The following LRRC52 variants were observed in gnomAD, a reference collection of about 807,000 sequenced individuals.
LRRC52 encodes leucine-rich repeat-containing protein 52.
A neutral mutation model predicts 14.7 loss-of-function variants in LRRC52; 15 were observed. The ratio of observed to expected loss-of-function variants is 1.02; its 90% CI spans 0.68 to 1.58. The LOEUF (loss-of-function observed/expected upper bound fraction) is 1.58. Ranked by LOEUF, LRRC52 falls within the 40% of genes most tolerant of loss-of-function variation. The pLI, the probability that LRRC52 is intolerant of heterozygous loss-of-function variation, is 0.00. For synonymous variants in LRRC52, 180 were observed against 163.9 expected (o/e 1.10, Z -0.75); for missense variants, 400 against 387.7 (o/e 1.03, Z -0.27).
intron 1 of LRRC52, among the ~76,000 whole-genome samples, chr1:165,558,094 C>T (rs1245722022): frequency 6.6e-6 from 1 of 152,230 alleles, no homozygotes; most frequent in Non-Finnish European, 1.5e-5. Flanking sequence ...GGCTCCTACA[C>T]TAATAGGTGT....
At chr1:165,559,677 T>C (rs1661304075) in intron 1 of LRRC52, among the ~76,000 whole-genome samples, 1 of 152,108 alleles carries the variant, frequency 6.6e-6, no homozygotes, top group African/African-American at 2.4e-5. Context: ...CAAAATGACA[T>C]ATAGCAAAGC....
At chr1:165,547,332 C>T (rs1395374743) in intron 1 of LRRC52, among the ~76,000 whole-genome samples, 1 of 152,196 alleles carries the variant, frequency 6.6e-6, no homozygotes, top group African/African-American at 2.4e-5. Context: ...CATATGGCTA[C>T]AGCATCTAAA....
intron 1 of LRRC52, among the ~76,000 whole-genome samples, chr1:165,557,456 C>A (rs1661258559): frequency 6.6e-6 from 1 of 152,184 alleles, no homozygotes; most frequent in Non-Finnish European, 1.5e-5. Context: ...GGACAGTGAG[C>A]CCAAGGGGTT....
chr1:165,550,093 C>A (rs1195048408), intron 1 of LRRC52, among the ~76,000 whole-genome samples: 1 of 152,218 alleles, frequency 6.6e-6, no homozygotes, highest in African/African-American at 2.4e-5. Context: ...CCCAGGTTAG[C>A]AAGTGGGAGG....
At chr1:165,555,676 A>T (rs1014543763) in intron 1 of LRRC52, among the ~76,000 whole-genome samples, 6 of 152,352 alleles carry the variant, frequency 3.9e-5, no homozygotes, top group African/African-American at 1.4e-4. Context: ...GGTCCAGGTA[A>T]TTAGAAGAGG....
At chr1:165,548,492 C>T (rs285439) in intron 1 of LRRC52, among the ~76,000 whole-genome samples, 18,498 of 152,160 alleles carry the variant, frequency 0.12, 1,253 homozygotes, top group Admixed American at 0.18. Context: ...GCAGGACAAA[C>T]GAGGCCAGCA....
chr1:165,544,208 TCCCCCG>T lies in LRRC52; in HGVS notation c.-84_-79del. ...GTGTTACAGTTCTTTCCAGAGCCCC[TCCCCCG>T]CCCCACCCCCCCACCGGCAGCCTTC... On this transcript the variant is annotated 5_prime_UTR_variant, in exon 1 of 2. Transcript: ENST00000294818. 6.7e-6 allele frequency: 3 copies of T among 448,100 alleles called. 1 individual carries two copies. The highest frequency in any genetic ancestry group is 4.7e-5 in the African/African-American group (2 of 42,612). The allele number at this position is 448,100 out of a possible 1,614,324, so 27.8% of individuals were successfully genotyped here.
chr1:165,548,872 C>G (rs1661075865), intron 1 of LRRC52, among the ~76,000 whole-genome samples: 1 of 152,086 alleles, frequency 6.6e-6, no homozygotes, highest in Non-Finnish European at 1.5e-5. Context: ...GAGTAGAATA[C>G]CAGAAAGCAG....
chr1:165,563,890 C>T lies in LRRC52; in HGVS notation c.*66C>T. The T allele has an allele frequency of 6.7e-7, 1 of 1,485,182 alleles. No homozygotes were observed. The highest frequency in any genetic ancestry group is 1.8e-4 in the Middle Eastern group (1 of 5,604). 92.0% of individuals were successfully genotyped at this position (1,485,182 alleles called of 1,614,324 possible). On this transcript the variant is annotated 3_prime_UTR_variant, in exon 2 of 2. Transcript: ENST00000294818. ...CTGCTTTCTCTCTTGCCCTCCCCAT[C>T]CCACCACCTTGGAGCTGTCATAGAG... is the stretch of plus-strand genomic sequence containing the variant.
At position 165,544,305 on chromosome 1, in the gene LRRC52, T is replaced by C. The variant is rs970815137; in HGVS notation, c.9T>C (p.Leu3=). Reference sequence around the variant, plus strand: ...GGTTGTGGCTTCTTACTATGTCCCTTGCTTCAGGCCCTGGCCCTGGGTGGT... The same window carrying C: ...GGTTGTGGCTTCTTACTATGTCCCTCGCTTCAGGCCCTGGCCCTGGGTGGT... The part of the protein sequence containing the change: MS[L]ASGPGPGWLL... Residue 3 remains leucine, a synonymous_variant, in exon 1 of 2, where the codon CTT becomes CTC. Coordinates refer to ENST00000294818, the MANE Select transcript of LRRC52 (RefSeq NM_001005214.4). 1.2e-6 allele frequency: 2 copies of C among 1,612,202 alleles called. No homozygotes were observed. Among genetic ancestry groups the C allele is most frequent in the African/African-American group, 1.3e-5 (1 of 74,566 alleles).
chr1:165,547,945 G>A (rs969725980), intron 1 of LRRC52, among the ~76,000 whole-genome samples: 10 of 152,320 alleles, frequency 6.6e-5, no homozygotes, highest in Middle Eastern at 3.4e-3. Context: ...TCTCTGCTAC[G>A]TGGAAATATC....
rs1660981473 is a variant in LRRC52, at chr1:165,544,712, T to C, written c.416T>C (p.Leu139Ser). Residue 139 changes from leucine (L) to serine (S), a missense_variant, in exon 1 of 2, where the codon TTA (leucine) becomes TCA (serine). Physicochemically the swap from Leu to Ser is moderately radical, Grantham distance 145. Transcript: ENST00000294818. Reference sequence around the variant, plus strand: ...AACATTGCCAACAACCCTCACCTGTTATCGCTTCACAAGTTCACCTTTGCC... The same window carrying C: ...AACATTGCCAACAACCCTCACCTGTCATCGCTTCACAAGTTCACCTTTGCC... ...QLNIANNPHL[L>S]SLHKFTFANT... 1.2e-6 allele frequency: 2 copies of C among 1,613,946 alleles called. No homozygotes were observed. The highest frequency in any genetic ancestry group is 2.2e-5 in the South Asian group (2 of 91,058).
At chr1:165,554,059 G>A (rs1661186569) in intron 1 of LRRC52, among the ~76,000 whole-genome samples, 1 of 152,052 alleles carries the variant, frequency 6.6e-6, no homozygotes, top group Non-Finnish European at 1.5e-5. Context: ...ACTTGACTGT[G>A]GGCAACAATC....
At chr1:165,548,805 C>T (rs12137629) in intron 1 of LRRC52, among the ~76,000 whole-genome samples, 31,846 of 151,954 alleles carry the variant, frequency 0.21, 5,193 homozygotes, top group African/African-American at 0.45. Flanking sequence ...TTTGACACAC[C>T]ATAAGCAATC....
At chr1:165,561,683 A>C (rs1384816643) in intron 1 of LRRC52, among the ~76,000 whole-genome samples, 2 of 152,236 alleles carry the variant, frequency 1.3e-5, no homozygotes, top group African/African-American at 4.8e-5. Context: ...CTCTGTAATC[A>C]TTACAAACAG....
At chr1:165,552,551 A>G (rs1661154150) in intron 1 of LRRC52, among the ~76,000 whole-genome samples, 1 of 152,192 alleles carries the variant, frequency 6.6e-6, no homozygotes, top group Non-Finnish European at 1.5e-5. Flanking sequence ...TTCAAGCCAG[A>G]CAGTATGGCA....
At chr1:165,555,246 G>A (rs1253328514) in intron 1 of LRRC52, among the ~76,000 whole-genome samples, 1 of 152,220 alleles carries the variant, frequency 6.6e-6, no homozygotes, top group Non-Finnish European at 1.5e-5. Flanking sequence ...CAGTGGGCCT[G>A]CGGAGGTGGT....
chr1:165,549,761 G>A (rs1223518747), intron 1 of LRRC52, among the ~76,000 whole-genome samples: 2 of 152,208 alleles, frequency 1.3e-5, no homozygotes, highest in African/African-American at 4.8e-5. Context: ...CCCCCATAGA[G>A]GGGTTGTAGA....
At chr1:165,558,679 A>G (rs1018781757) in intron 1 of LRRC52, among the ~76,000 whole-genome samples, 20 of 152,180 alleles carry the variant, frequency 1.3e-4, no homozygotes, top group African/African-American at 4.8e-4. Context: ...TTTTTAAAAA[A>G]AGGAGGCAAC....
Sources: gnomAD v4.1 joint callset for allele counts (sites outside exome capture counted in the v4.1 genomes callset) on GRCh38, gnomAD v4.1.1 for gene constraint, MANE v1.5 for transcripts, NCBI Gene and HGNC (gene_info 2026-07-23, HGNC 2026-07-21) for gene names.